IFT80: variants seen among roughly 807,000 people sequenced by gnomAD.
IFT80 encodes intraflagellar transport 80.
In IFT80, 79 loss-of-function variants were observed where a neutral mutation model predicts 107.9. The observed-to-expected ratio is 0.73, with a 90% CI of 0.61 to 0.88. The LOEUF (loss-of-function observed/expected upper bound fraction) is 0.88. IFT80 is among the 40% of genes least tolerant of loss of function. IFT80 has a pLI of 0.00. For missense variants in IFT80, 797 were observed against 914.2 expected (o/e 0.87, Z 1.65); for synonymous variants, 299 against 300.9 (o/e 0.99, Z 0.07).
chr3:160,327,474 A>G (rs970267897), intron 8 of IFT80, among the ~76,000 whole-genome samples: 7 of 152,218 alleles, frequency 4.6e-5, no homozygotes, highest in Non-Finnish European at 8.8e-5. Context: ...TGGTACAAGA[A>G]CAGACACAAA....
intron 8 of IFT80, among the ~76,000 whole-genome samples, chr3:160,349,338 A>C (rs1372619098): frequency 6.6e-6 from 1 of 151,868 alleles, no homozygotes; most frequent in Non-Finnish European, 1.5e-5. Context: ...AATCCCAGCT[A>C]CTCGGGAGGC....
chr3:160,395,038 T>G (rs1424770025), intron 1 of IFT80, among the ~76,000 whole-genome samples: 2 of 152,228 alleles, frequency 1.3e-5, no homozygotes, highest in Non-Finnish European at 2.9e-5. Flanking sequence ...GTTTGAAGTT[T>G]TCAACAATGC....
At chr3:160,392,262 T>G (rs1270939235) in intron 1 of IFT80, among the ~76,000 whole-genome samples, 2 of 152,246 alleles carry the variant, frequency 1.3e-5, no homozygotes, top group African/African-American at 4.8e-5. Flanking sequence ...GTGCCTCTTC[T>G]GTATCTGCAC....
chr3:160,394,740 A>G (rs920138197), intron 1 of IFT80, among the ~76,000 whole-genome samples: 1 of 150,974 alleles, frequency 6.6e-6, no homozygotes, highest in Admixed American at 6.6e-5. Flanking sequence ...ACAGAGTGAT[A>G]CTCCATCTCA....
In IFT80 at chr3:160,327,324, T is replaced by C. The variant is rs538190914; in HGVS notation, c.778-7385A>G. Among the ~76,000 whole-genome samples the C allele has an allele frequency of 1.2e-4, 18 of 152,176 alleles. No individual in the cohort carries two copies. In the South Asian group the frequency reaches 3.5e-3, roughly 30 times the overall value. On this transcript the variant is annotated intron_variant, in intron 8 of 19. Transcript: ENST00000326448. ...ATTCTTCACAGAAATAGAAAAAAAC[T>C]ATTTTAAAATTCATATGGAGCCAAA...
intron 8 of IFT80, among the ~76,000 whole-genome samples, chr3:160,344,981 T>C (rs938000057): frequency 6.6e-6 from 1 of 152,176 alleles, no homozygotes; most frequent in Non-Finnish European, 1.5e-5. Context: ...AACACTCATA[T>C]ACCGCTGGTG....
At chr3:160,345,800 A>G (rs1361384786) in intron 8 of IFT80, among the ~76,000 whole-genome samples, 2 of 152,060 alleles carry the variant, frequency 1.3e-5, no homozygotes, top group African/African-American at 2.4e-5. Flanking sequence ...TTTAAAAATC[A>G]GAAAGAATGA....
At chr3:160,294,551 T>C (rs190857328) in intron 12 of IFT80, among the ~76,000 whole-genome samples, 92 of 152,304 alleles carry the variant, frequency 6.0e-4, no homozygotes, top group African/African-American at 2.1e-3. Flanking sequence ...CTCTGAGTAA[T>C]CAGTGTCTGA....
chr3:160,359,516 G>A (rs974023940), intron 6 of IFT80, among the ~76,000 whole-genome samples: 1 of 152,168 alleles, frequency 6.6e-6, no homozygotes, highest in Non-Finnish European at 1.5e-5. Context: ...CTCTGAGAAT[G>A]GACAGACTGC....
intron 7 of IFT80, 74 bp downstream of exon 7, chr3:160,357,415 A>T: frequency 1.2e-6 from 1 of 819,026 alleles, no homozygotes. Context: ...AAAAAACTAA[A>T]AGAATATTCT....
intron 8 of IFT80, among the ~76,000 whole-genome samples, chr3:160,346,397 A>G (rs1335367644): frequency 1.3e-5 from 2 of 152,214 alleles, no homozygotes; most frequent in Non-Finnish European, 2.9e-5. Context: ...TCAATTAACA[A>G]TAAAACTTTG....
At chr3:160,343,721 A>G (rs1720083661) in intron 8 of IFT80, 1 of 267,892 alleles carries the variant, frequency 3.7e-6, no homozygotes, top group African/African-American at 2.3e-5. Context: ...AAAAAATGCC[A>G]TCTCCTTCGC....
chr3:160,299,466 T>G (rs1716241007), intron 12 of IFT80, among the ~76,000 whole-genome samples: 1 of 152,224 alleles, frequency 6.6e-6, no homozygotes, highest in African/African-American at 2.4e-5. Context: ...GTACAGTGTT[T>G]CATGATATAT....
intron 3 of IFT80, among the ~76,000 whole-genome samples, chr3:160,380,947 A>G (rs1712442840): frequency 6.6e-6 from 1 of 152,066 alleles, no homozygotes; most frequent in South Asian, 2.1e-4. Context: ...CTAAAAAAGT[A>G]AAGCCAGCTG....
chr3:160,361,229 A>C (rs893451598), intron 6 of IFT80, among the ~76,000 whole-genome samples: 1 of 152,216 alleles, frequency 6.6e-6, no homozygotes, highest in African/African-American at 2.4e-5. Flanking sequence ...TTGCAATCCT[A>C]GTCTCTGTTA....
intron 5 of IFT80, among the ~76,000 whole-genome samples, chr3:160,372,196 A>C (rs888952823): frequency 6.6e-6 from 1 of 152,230 alleles, no homozygotes; most frequent in Non-Finnish European, 1.5e-5. Flanking sequence ...AGTCACATGG[A>C]TGCTTCCAAC....
intron 10 of IFT80, among the ~76,000 whole-genome samples, chr3:160,305,902 T>C (rs1049470529): frequency 6.6e-6 from 1 of 152,154 alleles, no homozygotes; most frequent in Non-Finnish European, 1.5e-5. Flanking sequence ...CTCTATGTCC[T>C]TTAGCTTCAG....
chr3:160,307,739 G>C lies in IFT80; in HGVS notation c.1000C>G (p.Arg334Gly). Residue 334 changes from arginine (R) to glycine (G), a missense_variant, in exon 10 of 20, where the codon CGT (arginine) becomes GGT (glycine). Coordinates refer to ENST00000326448, the MANE Select transcript of IFT80 (RefSeq NM_020800.3). ...AAAGATGCTTTAATGACTCTATCAC[G>C]GAATTCCAGTAAATCCACTGCATCA... ...LNDAVDLLEF[R>G]DRVIKASLNY... 2 of 1,603,772 alleles carry C rather than the reference G, an allele frequency of 1.2e-6. No individual in the cohort carries two copies. The highest frequency in any genetic ancestry group is 1.7e-6 in the Non-Finnish European group (2 of 1,170,814).
chr3:160,266,380 TTTTTCTTTCTCTC>T (rs1559909327), intron 19 of IFT80, among the ~76,000 whole-genome samples: 1 of 151,290 alleles, frequency 6.6e-6, no homozygotes, highest in Admixed American at 6.6e-5. Flanking sequence ...TCTTTCTCTT[TTTTTCTTTCTCTC>T]TTTTCTTTCA....
Sources: gnomAD v4.1 joint callset for allele counts (sites outside exome capture counted in the v4.1 genomes callset) on GRCh38, gnomAD v4.1.1 for gene constraint, MANE v1.5 for transcripts, NCBI Gene and HGNC (gene_info 2026-07-23, HGNC 2026-07-21) for gene names.